INTS9: variants seen among roughly 807,000 people sequenced by gnomAD.
INTS9 encodes the protein protein related to CPSF subunits of 74 kDa.
INTS9 carries 55 observed loss-of-function variants against 79.7 expected under a neutral mutation model. The ratio of observed to expected loss-of-function variants is 0.69; its 90% CI spans 0.56 to 0.86. The LOEUF is 0.86. Ranked by LOEUF, INTS9 falls within the 40% of genes least tolerant of loss-of-function variation. The probability of loss-of-function intolerance (pLI) is 0.00; values close to 1 mark genes in which losing one functional copy is unlikely to be tolerated. For synonymous variants in INTS9, 319 were observed against 325.2 expected (o/e 0.98, Z 0.20); for missense variants, 721 against 831.5 (o/e 0.87, Z 1.64).
chr8:28,859,186 C>T (rs1230562726), intron 2 of INTS9, among the ~76,000 whole-genome samples: 1 of 152,156 alleles, frequency 6.6e-6, no homozygotes, highest in East Asian at 1.9e-4. Context: ...TACATGACCT[C>T]AGTTGTACTG....
chr8:28,806,646 A>G (rs1304304981), intron 8 of INTS9, among the ~76,000 whole-genome samples: 2 of 152,234 alleles, frequency 1.3e-5, no homozygotes, highest in Non-Finnish European at 2.9e-5. Flanking sequence ...ATTTCAGTCC[A>G]TCAGGATATG....
At chr8:28,848,619 G>C (rs369650267) in intron 3 of INTS9, among the ~76,000 whole-genome samples, 170 of 152,276 alleles carry the variant, frequency 1.1e-3, no homozygotes, top group African/African-American at 3.6e-3. Flanking sequence ...CTTAGGATGA[G>C]GTTAAAAATG....
At chr8:28,783,765 C>G (rs1803432604) in intron 11 of INTS9, 1 of 152,176 alleles carries the variant, frequency 6.6e-6, no homozygotes, top group South Asian at 2.1e-4. Flanking sequence ...TCCAGGTAGT[C>G]TGCAAGTTGA....
chr8:28,767,808 C>T lies in INTS9; in HGVS notation c.*338G>A, dbSNP rs942673100. ...GAAACCAAAGGCTGGCTCCCCTGGC[C>T]GAGGCCTGGGACTGATGCAAGACAG... is the stretch of plus-strand genomic sequence containing the variant. On this transcript the variant is annotated 3_prime_UTR_variant, in exon 17 of 17. Coordinates refer to ENST00000521022, the MANE Select transcript of INTS9 (RefSeq NM_018250.4). The T allele has an allele frequency of 1.0e-4, 32 of 307,670 alleles. 1 individual carries two copies. In the Admixed American group the frequency reaches 1.3e-3, roughly 12 times the overall value. 19.1% of individuals were successfully genotyped at this position (307,670 alleles called of 1,614,324 possible).
At chr8:28,811,665 C>T (rs1038344676) in intron 8 of INTS9, among the ~76,000 whole-genome samples, 1 of 152,106 alleles carries the variant, frequency 6.6e-6, no homozygotes, top group African/African-American at 2.4e-5. Context: ...AAGCAGTTAT[C>T]CCATTTCGGC....
At chr8:28,866,869 G>A (rs926356976) in intron 1 of INTS9, among the ~76,000 whole-genome samples, 4 of 152,168 alleles carry the variant, frequency 2.6e-5, no homozygotes, top group African/African-American at 9.7e-5. Context: ...TGGCTACTCA[G>A]GAGGCTGAGG....
At chr8:28,790,066 A>C (rs1803837072) in intron 10 of INTS9, among the ~76,000 whole-genome samples, 1 of 152,236 alleles carries the variant, frequency 6.6e-6, no homozygotes, top group Admixed American at 6.5e-5. Context: ...GGGCTTCTGC[A>C]GGCATCAAAG....
At chr8:28,792,521 G>A (rs145826691) in intron 10 of INTS9, among the ~76,000 whole-genome samples, 4 of 149,364 alleles carry the variant, frequency 2.7e-5, no homozygotes, top group Non-Finnish European at 3.0e-5. Flanking sequence ...TAAATGCAAT[G>A]TGTTACCCTG....
Position 28,843,054 on chromosome 8 carries a change from A to G in INTS9, c.261+3693T>C, listed in dbSNP as rs751507747. ...TGGCCAAGTGCATTGTCCAATACTG[A>G]AAGAACTTTAAGATGCAGTCCCTTA... On this transcript the variant is annotated intron_variant, in intron 4 of 16. Coordinates refer to ENST00000521022, the MANE Select transcript of INTS9 (RefSeq NM_018250.4). Among the ~76,000 whole-genome samples the G allele has an allele frequency of 3.9e-5, 6 of 152,302 alleles. No individual in the cohort carries two copies. In the East Asian group the frequency reaches 1.2e-3, roughly 29 times the overall value.
At chr8:28,836,148 T>C (rs1806794200) in intron 5 of INTS9, among the ~76,000 whole-genome samples, 1 of 152,156 alleles carries the variant, frequency 6.6e-6, no homozygotes, top group Non-Finnish European at 1.5e-5. Context: ...TAAGTTTTCT[T>C]GATATGTTTT....
At chr8:28,888,547 G>A (rs1193524100) in intron 1 of INTS9, among the ~76,000 whole-genome samples, 1 of 152,184 alleles carries the variant, frequency 6.6e-6, no homozygotes, top group South Asian at 2.1e-4. Context: ...GCCAGACCCT[G>A]TCTCTAAATA....
rs779945489 is a variant in INTS9, at chr8:28,846,787, T to C, written c.221A>G (p.His74Arg). 1 of 1,613,618 alleles carries C rather than the reference T, an allele frequency of 6.2e-7. No homozygotes were observed. Among genetic ancestry groups the C allele is most frequent in the Non-Finnish European group, 8.5e-7 (1 of 1,179,578 alleles). ...LDKELKECSG[H>R]VFVDSVPEFC... ...TTCCGGCACAGAATCCACAAATACA[T>C]GACCCGAGCACTCCTTTAGCTCCTA... is the stretch of plus-strand genomic sequence containing the variant. Residue 74 changes from histidine to arginine, a missense_variant, in exon 4 of 17, where the codon CAT (histidine) becomes CGT (arginine). By Grantham distance (29) the His-to-Arg change is conservative. This residue lies in a region of INTS9 where 291 missense variants were observed against 307.0 expected (regional missense o/e 0.95). Coordinates refer to ENST00000521022, the MANE Select transcript of INTS9 (RefSeq NM_018250.4).
Position 28,878,641 on chromosome 8 carries a change from TAAA to T in INTS9, c.9+11230_9+11232del, listed in dbSNP as rs112921124. On this transcript the variant is annotated intron_variant, in intron 1 of 16. Coordinates refer to ENST00000521022, the MANE Select transcript of INTS9 (RefSeq NM_018250.4). ...CTGGCCTTCACTGTTTTTTTTTTTT[TAAA>T]AAAAAAACAAAACAAAAAACTCTTG... 3.1e-3 allele frequency among the ~76,000 whole-genome samples: 427 copies of T among 136,676 alleles called. 1 individual carries two copies. The highest frequency in any genetic ancestry group is 0.011 in the African/African-American group (412 of 36,720). The allele number at this position is 136,676 out of a possible 152,430, so 89.7% of individuals were successfully genotyped here. A position where few individuals can be genotyped will look rare whatever the true frequency, so the allele number is the denominator to read the frequency against.
intron 9 of INTS9, 77 bp from the exon 10 acceptor site, chr8:28,794,064 G>T: frequency 8.3e-7 from 1 of 1,200,296 alleles, no homozygotes; most frequent in South Asian, 2.2e-5. Flanking sequence ...TGTAAAATAA[G>T]ATTTGCACTT....
At chr8:28,792,826 T>A (rs896631363) in intron 10 of INTS9, among the ~76,000 whole-genome samples, 1 of 151,904 alleles carries the variant, frequency 6.6e-6, no homozygotes, top group Non-Finnish European at 1.5e-5. Context: ...GGCAGGAGAT[T>A]TGCTTGAACC....
intron 1 of INTS9, among the ~76,000 whole-genome samples, chr8:28,869,698 A>G (rs562925296): frequency 8.5e-5 from 13 of 152,286 alleles, no homozygotes; most frequent in African/African-American, 2.9e-4. Context: ...TCTTGATTCC[A>G]TCTCGCAGGA....
intron 10 of INTS9, among the ~76,000 whole-genome samples, chr8:28,792,622 T>A (rs1803980040): frequency 6.6e-6 from 1 of 151,920 alleles, no homozygotes; most frequent in African/African-American, 2.4e-5. Flanking sequence ...AATGTACTAA[T>A]GTTATTTAAG....
At chr8:28,862,916 G>T (rs1250283871) in intron 1 of INTS9, among the ~76,000 whole-genome samples, 2 of 152,348 alleles carry the variant, frequency 1.3e-5, no homozygotes, top group Middle Eastern at 3.4e-3. Flanking sequence ...GCTGCACTCA[G>T]TGTTAATGTG....
intron 14 of INTS9, among the ~76,000 whole-genome samples, chr8:28,771,422 T>C (rs1802533023): frequency 6.6e-6 from 1 of 152,142 alleles, no homozygotes; most frequent in African/African-American, 2.4e-5. Flanking sequence ...GTGGTATCTT[T>C]CCGACCACCT....
Sources: allele counts gnomAD v4.1 joint callset (sites outside exome capture counted in the v4.1 genomes callset), GRCh38; gene constraint gnomAD v4.1.1; regional missense constraint gnomAD v4.1.1; transcripts MANE v1.5; gene names NCBI Gene and HGNC (gene_info 2026-07-23, HGNC 2026-07-21).